Variants in CLVS1 observed in about 807,000 individuals in gnomAD.
CLVS1 encodes clavesin-1.
A neutral mutation model predicts 33.1 loss-of-function variants in CLVS1; 10 were observed. That is an observed-to-expected ratio of 0.30 (90% CI 0.19 to 0.51). The LOEUF (loss-of-function observed/expected upper bound fraction) is 0.51. Ranked by LOEUF, CLVS1 falls within the 20% of genes least tolerant of loss-of-function variation. CLVS1 has a pLI of 0.97. For missense variants in CLVS1, 343 were observed against 433.4 expected (o/e 0.79, Z 1.85); for synonymous variants, 163 against 166.1 (o/e 0.98, Z 0.14).
At chr8:61,350,681 T>C (rs963203804) in intron 2 of CLVS1, among the ~76,000 whole-genome samples, 2 of 152,130 alleles carry the variant, frequency 1.3e-5, no homozygotes, top group African/African-American at 4.8e-5. Flanking sequence ...GTGCCCTGAA[T>C]TTAAAGGTAA....
intron 1 of CLVS1, among the ~76,000 whole-genome samples, chr8:61,296,527 TG>T (rs1810217986): frequency 6.6e-6 from 1 of 152,212 alleles, no homozygotes; most frequent in Admixed American, 6.5e-5. Context: ...GGCTTGGAAC[TG>T]TGAACATTAC....
At chr8:61,393,940 G>T (rs750027102) in intron 3 of CLVS1, among the ~76,000 whole-genome samples, 4 of 152,198 alleles carry the variant, frequency 2.6e-5, no homozygotes, top group Non-Finnish European at 5.9e-5. Context: ...CCAGGATGTT[G>T]CAGGCAATGG....
At chr8:61,281,214 G>C (rs1343546537) in intron 2 of CLVS1, among the ~76,000 whole-genome samples, 1 of 152,178 alleles carries the variant, frequency 6.6e-6, no homozygotes, top group East Asian at 1.9e-4. Flanking sequence ...AGCTGTGTGA[G>C]AAGGATGAGT....
chr8:60,970,013 G>A, the CLVS1 span, among the ~76,000 whole-genome samples: 1 of 152,070 alleles, frequency 6.6e-6, no homozygotes, highest in Non-Finnish European at 1.5e-5. Context: ...TATCAAAGTC[G>A]CCTCCCCCGA....
chr8:61,004,864 C>T, the CLVS1 span, among the ~76,000 whole-genome samples: 4 of 152,212 alleles, frequency 2.6e-5, no homozygotes, highest in Non-Finnish European at 4.4e-5. Context: ...AGAAAGCTGC[C>T]TATTTTGTAA....
intron 2 of CLVS1, among the ~76,000 whole-genome samples, chr8:61,210,959 A>T (rs1451887553): frequency 6.6e-6 from 1 of 152,184 alleles, no homozygotes; most frequent in Admixed American, 6.5e-5. Context: ...TACCAAAAAA[A>T]AAAGGAATCT....
At chr8:61,429,018 G>A (rs984807972) in intron 3 of CLVS1, among the ~76,000 whole-genome samples, 2 of 152,102 alleles carry the variant, frequency 1.3e-5, no homozygotes, top group Admixed American at 6.6e-5. Context: ...ATTTATACAC[G>A]GTAGAAATTT....
At chr8:61,342,113 G>A (rs1812047358) in intron 2 of CLVS1, among the ~76,000 whole-genome samples, 2 of 152,178 alleles carry the variant, frequency 1.3e-5, no homozygotes, top group South Asian at 2.1e-4. Context: ...GTGGTAAAGC[G>A]GGTGACTCTT....
chr8:61,083,653 A>G (rs529935017), intron 1 of CLVS1, among the ~76,000 whole-genome samples: 1 of 152,294 alleles, frequency 6.6e-6, no homozygotes, highest in South Asian at 2.1e-4. Flanking sequence ...GAAAATTGGT[A>G]GGTAAATTAA....
intron 1 of CLVS1, among the ~76,000 whole-genome samples, chr8:61,116,697 T>A (rs1805731192): frequency 6.8e-6 from 1 of 147,544 alleles, no homozygotes; most frequent in African/African-American, 2.5e-5. Flanking sequence ...GCGGCGTTAT[T>A]TCTGAGGGCT....
At position 61,183,867 on chromosome 8, in the gene CLVS1, C is replaced by T. The variant is rs983418962; in HGVS notation, c.-152+52007C>T. Among the ~76,000 whole-genome samples, 4 of 152,272 alleles carry T rather than the reference C, an allele frequency of 2.6e-5. No homozygotes were observed. The East Asian group carries it at 7.7e-4, about 29-fold the overall frequency. ...AAGCTCAGGACAAAATCAGATGACCCTTAGCAGAGCAACGTTAGGGTATAA... is the reference window on the plus strand; with the variant it reads ...AAGCTCAGGACAAAATCAGATGACCTTTAGCAGAGCAACGTTAGGGTATAA... On this transcript the variant is annotated intron_variant, in intron 2 of 2. Coordinates refer to the CLVS1 transcript ENST00000522621.
chr8:61,231,713 T>C (rs1808436751), intron 2 of CLVS1, among the ~76,000 whole-genome samples: 1 of 152,164 alleles, frequency 6.6e-6, no homozygotes, highest in African/African-American at 2.4e-5. Flanking sequence ...TCAGGCCCTG[T>C]CCCAGACAAC....
intron 3 of CLVS1, among the ~76,000 whole-genome samples, chr8:61,415,790 G>C (rs749849889): frequency 1.3e-5 from 2 of 152,164 alleles, no homozygotes; most frequent in African/African-American, 2.4e-5. Flanking sequence ...ATTAACAAGG[G>C]AACAGACTAG....
chr8:61,405,737 G>T (rs143096618), intron 3 of CLVS1, among the ~76,000 whole-genome samples: 1,584 of 150,070 alleles, frequency 0.011, 33 homozygotes, highest in African/African-American at 0.036. Flanking sequence ...CTGGGGCAAG[G>T]CACTGTGGAA....
At chr8:61,176,468 A>G (rs952488017) in intron 2 of CLVS1, among the ~76,000 whole-genome samples, 1 of 152,348 alleles carries the variant, frequency 6.6e-6, no homozygotes, top group South Asian at 2.1e-4. Context: ...GTTAATAAGT[A>G]GGTATTAAAA....
intron 2 of CLVS1, among the ~76,000 whole-genome samples, chr8:61,234,689 G>A (rs7845823): frequency 0.085 from 12,890 of 152,138 alleles, 1,045 homozygotes; most frequent in African/African-American, 0.22. Context: ...GGCGGACAAT[G>A]GCAGACCCCA....
chr8:61,359,158 C>G (rs376680280), intron 2 of CLVS1, among the ~76,000 whole-genome samples: 2 of 152,158 alleles, frequency 1.3e-5, no homozygotes, highest in Admixed American at 6.6e-5. Flanking sequence ...AAGCCCTCAT[C>G]ATTCACAGAA....
intron 3 of CLVS1, among the ~76,000 whole-genome samples, chr8:61,404,730 C>A (rs1357649437): frequency 6.6e-6 from 1 of 152,096 alleles, no homozygotes; most frequent in Non-Finnish European, 1.5e-5. Context: ...AGGCCAGTTG[C>A]ATATTGTTTG....
intron 3 of CLVS1, among the ~76,000 whole-genome samples, chr8:61,440,248 C>T (rs1030609429): frequency 6.6e-6 from 1 of 152,146 alleles, no homozygotes; most frequent in Non-Finnish European, 1.5e-5. Flanking sequence ...AATAATAGAA[C>T]CTCTATAATG....
Sources: allele counts gnomAD v4.1 joint callset (sites outside exome capture counted in the v4.1 genomes callset), GRCh38; gene constraint gnomAD v4.1.1; transcripts MANE v1.5; gene names NCBI Gene and HGNC (gene_info 2026-07-23, HGNC 2026-07-21).